The following SGCD variants were observed in gnomAD, a reference collection of about 807,000 sequenced individuals.
SGCD encodes the protein sarcoglycan delta.
In SGCD, 18 loss-of-function variants were observed where a neutral mutation model predicts 36.6. The observed-to-expected ratio is 0.49, with a 90% CI of 0.34 to 0.73. SGCD has a LOEUF of 0.73. SGCD is among the 30% of genes least tolerant of loss of function. The probability of loss-of-function intolerance (pLI) is 0.01; values close to 1 mark genes in which losing one functional copy is unlikely to be tolerated. For synonymous variants in SGCD, 133 were observed against 130.6 expected, an observed-to-expected ratio of 1.02 and a Z score of -0.12; for missense variants, 387 against 346.7, an observed-to-expected ratio of 1.12 and a Z score of -0.92.
At chr5:156,371,052 C>A (rs1770362380) in intron 3 of SGCD, among the ~76,000 whole-genome samples, 1 of 152,082 alleles carries the variant, frequency 6.6e-6, no homozygotes, top group Admixed American at 6.5e-5. Context: ...TTTTACTCTA[C>A]CCTAGTCCCT....
chr5:156,531,361 G>T (rs191716362), intron 4 of SGCD, among the ~76,000 whole-genome samples: 39 of 152,300 alleles, frequency 2.6e-4, no homozygotes, highest in Admixed American at 5.9e-4. Context: ...TTTGGTTGTT[G>T]TTATAACAAG....
chr5:156,014,001 T>TA (rs1322215671), intron 1 of SGCD, among the ~76,000 whole-genome samples: 1 of 152,118 alleles, frequency 6.6e-6, no homozygotes, highest in Non-Finnish European at 1.5e-5. Context: ...CAGCTTACTT[T>TA]TTTTTTTCTC....
upstream of SGCD, among the ~76,000 whole-genome samples, chr5:156,323,688 T>C (rs1485711835): frequency 6.6e-6 from 1 of 152,184 alleles, no homozygotes; most frequent in African/African-American, 2.4e-5. Flanking sequence ...CCATAGAATA[T>C]GTGATAGGGA....
At chr5:156,094,456 T>C (rs1421383791) in intron 1 of SGCD, among the ~76,000 whole-genome samples, 1 of 152,226 alleles carries the variant, frequency 6.6e-6, no homozygotes, top group East Asian at 1.9e-4. Flanking sequence ...GATTATGCAA[T>C]AACATGAAAG....
At chr5:155,803,269 G>T in the SGCD span, among the ~76,000 whole-genome samples, 1 of 152,232 alleles carries the variant, frequency 6.6e-6, no homozygotes, top group Non-Finnish European at 1.5e-5. Context: ...GCAGCCAGCA[G>T]CGTGAGGCTA....
chr5:156,330,322 T>A (rs1199035103), intron 2 of SGCD, among the ~76,000 whole-genome samples: 1 of 152,218 alleles, frequency 6.6e-6, no homozygotes, highest in African/African-American at 2.4e-5. Context: ...CTGACGAACG[T>A]GCTGGTACTG....
chr5:156,437,385 C>A (rs955442687), intron 3 of SGCD, among the ~76,000 whole-genome samples: 2 of 152,028 alleles, frequency 1.3e-5, no homozygotes, highest in African/African-American at 4.8e-5. Context: ...AAGATGTTAT[C>A]CTAGAGTCAT....
At chr5:155,926,998 A>T (rs1350499115) in intron 1 of SGCD, among the ~76,000 whole-genome samples, 1 of 152,184 alleles carries the variant, frequency 6.6e-6, no homozygotes, top group African/African-American at 2.4e-5. Context: ...AAGATCAAGG[A>T]TGCTGCTAGA....
chr5:156,360,072 G>T (rs571323415), intron 3 of SGCD, among the ~76,000 whole-genome samples: 1 of 152,260 alleles, frequency 6.6e-6, no homozygotes, highest in Non-Finnish European at 1.5e-5. Context: ...CAGGCAGACA[G>T]GGGCGGGTCC....
the SGCD span, among the ~76,000 whole-genome samples, chr5:155,759,360 T>C: frequency 6.6e-6 from 1 of 152,222 alleles, no homozygotes; most frequent in Non-Finnish European, 1.5e-5. Flanking sequence ...ACCACCTTTT[T>C]TCTCTCTATT....
At chr5:156,608,627 T>C (rs990197495) in intron 6 of SGCD, among the ~76,000 whole-genome samples, 48 of 152,322 alleles carry the variant, frequency 3.2e-4, no homozygotes, top group African/African-American at 1.1e-3. Flanking sequence ...TTGATCTGTC[T>C]AATGTTGACA....
intron 7 of SGCD, among the ~76,000 whole-genome samples, chr5:156,665,133 C>T (rs903970772): frequency 2.0e-5 from 3 of 152,184 alleles, no homozygotes; most frequent in South Asian, 2.1e-4. Context: ...GTTCAGCCGG[C>T]GGCCAGTATT....
chr5:156,293,529 T>C (rs775902851), intron 3 of SGCD, among the ~76,000 whole-genome samples: 15 of 152,174 alleles, frequency 9.9e-5, no homozygotes, highest in Non-Finnish European at 2.2e-4. Context: ...CTTCATTCTT[T>C]TGCATGTGGA....
At chr5:156,018,097 C>A (rs1259343432) in intron 1 of SGCD, among the ~76,000 whole-genome samples, 1 of 152,142 alleles carries the variant, frequency 6.6e-6, no homozygotes, top group Non-Finnish European at 1.5e-5. Flanking sequence ...GAGGTCAAGG[C>A]TGCAGTGAAC....
At chr5:156,422,124 C>T (rs1773337299) in intron 3 of SGCD, among the ~76,000 whole-genome samples, 1 of 151,982 alleles carries the variant, frequency 6.6e-6, no homozygotes, top group South Asian at 2.1e-4. Flanking sequence ...CCTCTTTTTC[C>T]CATTCCAATT....
At chr5:156,293,494 G>A (rs1766814712) in intron 3 of SGCD, among the ~76,000 whole-genome samples, 3 of 151,958 alleles carry the variant, frequency 2.0e-5, no homozygotes, top group South Asian at 4.1e-4. Context: ...ATTACTTTTT[G>A]TATATGTGTT....
At chr5:156,037,411 C>A (rs1759526123) in intron 1 of SGCD, among the ~76,000 whole-genome samples, 3 of 152,180 alleles carry the variant, frequency 2.0e-5, no homozygotes, top group Non-Finnish European at 4.4e-5. Context: ...TCCCCAGTCC[C>A]AGGCATTTCT....
the SGCD span, among the ~76,000 whole-genome samples, chr5:155,832,262 A>G: frequency 6.6e-6 from 1 of 152,196 alleles, no homozygotes; most frequent in South Asian, 2.1e-4. Flanking sequence ...TCAGGAATCT[A>G]GACTGGATGA....
At chr5:155,933,584 C>A (rs1250373155) in intron 1 of SGCD, among the ~76,000 whole-genome samples, 1 of 152,136 alleles carries the variant, frequency 6.6e-6, no homozygotes, top group Non-Finnish European at 1.5e-5. Context: ...CTGTTGAATG[C>A]ATAGTGGCCA....
Sources: gnomAD v4.1 joint callset for allele counts (sites outside exome capture counted in the v4.1 genomes callset) on GRCh38, gnomAD v4.1.1 for gene constraint, MANE v1.5 for transcripts, NCBI Gene and HGNC (gene_info 2026-07-23, HGNC 2026-07-21) for gene names.